Variants in LRRC37B observed in about 807,000 individuals in gnomAD.
LRRC37B encodes leucine-rich repeat-containing protein 37B.
Under a neutral mutation model 98.3 loss-of-function variants are expected in LRRC37B, and 28 were observed. That is an observed-to-expected ratio of 0.28 (90% CI 0.21 to 0.39). The LOEUF (loss-of-function observed/expected upper bound fraction) is 0.39, where lower values mean the gene tolerates loss of function less well. LRRC37B is among the 10% of genes least tolerant of loss of function. The probability of loss-of-function intolerance (pLI) is 1.00; values close to 1 mark genes in which losing one functional copy is unlikely to be tolerated. For synonymous variants in LRRC37B, 364 were observed against 442.7 expected, an observed-to-expected ratio of 0.82 and a Z score of 2.23; for missense variants, 938 against 1,182.7, an observed-to-expected ratio of 0.79 and a Z score of 3.03.
At chr17:32,036,978 T>A (rs1911262415) in intron 7 of LRRC37B, among the ~76,000 whole-genome samples, 1 of 106,986 alleles carries the variant, frequency 9.3e-6, no homozygotes, top group African/African-American at 6.0e-5. Flanking sequence ...TCTTCAGCAT[T>A]TTTTTTTTTT....
chr17:32,050,736 A>G (rs1178802731), intron 11 of LRRC37B, among the ~76,000 whole-genome samples: 55 of 151,750 alleles, frequency 3.6e-4, no homozygotes, highest in Admixed American at 3.3e-3. Flanking sequence ...GAGATGTGTC[A>G]CCATTTCTTG....
rs543408906 is a variant in LRRC37B, at chr17:32,027,517, G to A, written c.1833-252G>A. Among the ~76,000 whole-genome samples, 4 of 151,162 alleles carry A rather than the reference G, an allele frequency of 2.6e-5. No individual in the cohort carries two copies. In the East Asian group the frequency reaches 7.8e-4, roughly 29 times the overall value. On this transcript the variant is annotated intron_variant, in intron 2 of 11. Coordinates refer to ENST00000327564, the Ensembl canonical transcript of LRRC37B. ...TGTGCTTGTGTGTGTGTGCTTGCCT[G>A]TGTGTGTGCTTGTGTGTGTGTGTGT... is the stretch of plus-strand genomic sequence containing the variant.
At chr17:32,027,349 TTGTG>T (rs985580346) in intron 2 of LRRC37B, among the ~76,000 whole-genome samples, 3 of 150,064 alleles carry the variant, frequency 2.0e-5, no homozygotes, top group African/African-American at 2.5e-5. Flanking sequence ...GTGTGCTTGC[TTGTG>T]TGTGTGTGCT....
At chr17:32,039,150 TA>T (rs1234834610) in intron 7 of LRRC37B, among the ~76,000 whole-genome samples, 2 of 152,026 alleles carry the variant, frequency 1.3e-5, no homozygotes, top group East Asian at 3.9e-4. Context: ...ATTTTATTTT[TA>T]TTTTTTGGAG....
chr17:32,024,045 G>T (rs1016109100), intron 1 of LRRC37B, among the ~76,000 whole-genome samples: 49 of 151,470 alleles, frequency 3.2e-4, no homozygotes, highest in African/African-American at 1.1e-3. Flanking sequence ...AAGCAAGAGA[G>T]ATTAAATGAT....
chr17:32,049,953 C>T (rs558252225), intron 10 of LRRC37B, 50 bp from the exon 14 acceptor site: 8 of 1,139,520 alleles, frequency 7.0e-6, no homozygotes, highest in South Asian at 1.5e-5. Context: ...TTCTCTCTCT[C>T]TTTTTTTTTA....
At chr17:32,031,773 G>T (rs1292900387) in intron 5 of LRRC37B, among the ~76,000 whole-genome samples, 13 of 150,718 alleles carry the variant, frequency 8.6e-5, no homozygotes, top group South Asian at 2.1e-4. Flanking sequence ...AGGAGCTGAG[G>T]GGGGCGGATC....
At chr17:32,036,005 GTTTTTTA>G in intron 7 of LRRC37B, 1 of 208,188 alleles carries the variant, frequency 4.8e-6, no homozygotes. Flanking sequence ...ACTTAGTATT[GTTTTTTA>G]TTTTTTTTGA....
rs2627090 is a variant in LRRC37B at position 32,045,286 on chromosome 17, T to C, written c.2205-414T>C. Among the ~76,000 whole-genome samples the C allele has an allele frequency of 7.3e-5, 11 of 149,692 alleles. No individual in the cohort carries two copies. The East Asian group carries it at 7.8e-4, about 11-fold the overall frequency. On this transcript the variant is annotated intron_variant, in intron 7 of 11. Coordinates refer to ENST00000327564, the Ensembl canonical transcript of LRRC37B. Reference sequence around the variant, plus strand: ...GTTAAGCTGAGCTATTTTTAATGCCTAGAGTAATTTCTAATACTTCCCACT... The same window carrying C: ...GTTAAGCTGAGCTATTTTTAATGCCCAGAGTAATTTCTAATACTTCCCACT...
Position 32,039,817 on chromosome 17 carries a change from T to C in LRRC37B, c.2204+4178T>C, listed in dbSNP as rs568359160. On this transcript the variant is annotated intron_variant, in intron 7 of 11. Transcript: ENST00000327564. Reference sequence around the variant, plus strand: ...TCATTTTTGTCAGGTCACTTTCTTATCTTCACCGGGCTGTCAGATCTGTTT... The same window carrying C: ...TCATTTTTGTCAGGTCACTTTCTTACCTTCACCGGGCTGTCAGATCTGTTT... 6.5e-4 allele frequency among the ~76,000 whole-genome samples: 99 copies of C among 151,736 alleles called. 3 individuals carry two copies. In the South Asian group the frequency reaches 0.02, roughly 31 times the overall value.
At chr17:32,019,010 T>C (rs1910705894), upstream of LRRC37B, among the ~76,000 whole-genome samples, 1 of 152,174 alleles carries the variant, frequency 6.6e-6, no homozygotes, top group Non-Finnish European at 1.5e-5. Context: ...CACTGCAACC[T>C]CTACCTCCTG....
intron 7 of LRRC37B, among the ~76,000 whole-genome samples, chr17:32,036,887 A>G (rs977586053): frequency 6.6e-6 from 1 of 151,922 alleles, no homozygotes; most frequent in Non-Finnish European, 1.5e-5. Context: ...ACTTTTTAAG[A>G]AACTGCTGAA....
intron 7 of LRRC37B, among the ~76,000 whole-genome samples, chr17:32,044,781 C>T (rs990234394): frequency 5.3e-5 from 8 of 152,142 alleles, no homozygotes; most frequent in Non-Finnish European, 8.8e-5. Flanking sequence ...TCCCATCTAT[C>T]TGGGGGGCTG....
At chr17:32,021,708 T>C in exon 1 of LRRC37B, 1 of 1,614,252 alleles carries the variant, frequency 6.2e-7, no homozygotes, top group Non-Finnish European at 8.5e-7. Context: ...ATTTGTTGTT[T>C]CGCCCAAGAA....
At chr17:32,047,217 C>T (rs1289649722) in intron 8 of LRRC37B, 1 of 169,910 alleles carries the variant, frequency 5.9e-6, no homozygotes, top group Non-Finnish European at 1.3e-5. Context: ...GAGCACATGC[C>T]AGATGAGGAT....
intron 5 of LRRC37B, 128 bp downstream of exon 8, chr17:32,031,586 C>A (rs1266706723): frequency 1.6e-6 from 2 of 1,230,816 alleles, no homozygotes; most frequent in Non-Finnish European, 2.2e-6. Context: ...ATTCGTTTTT[C>A]TCAAATGGGG....
chr17:32,050,026 T>C (rs748266681), exon 11 of LRRC37B: 1 of 1,560,238 alleles, frequency 6.4e-7, no homozygotes, highest in Non-Finnish European at 8.7e-7. Context: ...TTCCAGGAGA[T>C]GACTATAAGA....
At chr17:32,017,915 T>C (rs1910681934), upstream of LRRC37B, 1 of 174,738 alleles carries the variant, frequency 5.7e-6, no homozygotes, top group East Asian at 1.4e-4. Context: ...ACCATTATAT[T>C]CAGGAAGTTT....
In LRRC37B at chr17:32,024,697, G is replaced by A. The variant is rs767122600; in HGVS notation, c.1761-14G>A. 16 of 1,606,826 alleles carry A rather than the reference G, an allele frequency of 1.0e-5. No homozygotes were observed. The East Asian group carries it at 2.9e-4, about 29-fold the overall frequency. On this transcript the variant is annotated splice_polypyrimidine_tract_variant and intron_variant, in intron 1 of 11. Coordinates refer to ENST00000327564, the Ensembl canonical transcript of LRRC37B. ...GCGTGCCTATTCAAGGATATAAACT[G>A]TCTTTCTTTGCAGAAATTTCCAAGG...
Sources: allele counts gnomAD v4.1 joint callset (sites outside exome capture counted in the v4.1 genomes callset), GRCh38; gene constraint gnomAD v4.1.1; transcripts MANE v1.5; gene names NCBI Gene and HGNC (gene_info 2026-07-23, HGNC 2026-07-21).